The following PRIM2 variants were observed in gnomAD, a reference collection of about 807,000 sequenced individuals.
The protein encoded by PRIM2 is DNA primase large subunit.
In PRIM2, 39 loss-of-function variants were observed where a neutral mutation model predicts 67.3. That is an observed-to-expected ratio of 0.58 (90% CI 0.45 to 0.76). The LOEUF is 0.76. PRIM2 is among the 30% of genes least tolerant of loss of function. The pLI is 0.00. For missense variants in PRIM2, 398 were observed against 598.7 expected (o/e 0.66, Z 3.50); for synonymous variants, 143 against 198.7 (o/e 0.72, Z 2.36).
the PRIM2 span, among the ~76,000 whole-genome samples, chr6:57,227,737 A>G: frequency 6.6e-6 from 1 of 152,112 alleles, no homozygotes; most frequent in African/African-American, 2.4e-5. Flanking sequence ...ATTTGTACAT[A>G]TAAATAAAGT....
intron 7 of PRIM2, among the ~76,000 whole-genome samples, chr6:57,472,859 T>C: frequency 6.6e-6 from 1 of 152,314 alleles, no homozygotes; most frequent in South Asian, 2.1e-4. Flanking sequence ...AGCAATTGTA[T>C]TGTAAGTATG....
chr6:57,335,075 T>C (rs1465383611), intron 5 of PRIM2, among the ~76,000 whole-genome samples: 1 of 152,212 alleles, frequency 6.6e-6, no homozygotes, highest in Non-Finnish European at 1.5e-5. Context: ...GGGAGTTCCC[T>C]TTCCTAGTCA....
At chr6:57,327,959 C>T (rs1330006389) in intron 5 of PRIM2, among the ~76,000 whole-genome samples, 1 of 152,124 alleles carries the variant, frequency 6.6e-6, no homozygotes, top group Non-Finnish European at 1.5e-5. Flanking sequence ...GAGTGCACAT[C>T]TTAGATCTCT....
upstream of PRIM2, among the ~76,000 whole-genome samples, chr6:57,309,871 G>T (rs1469881897): frequency 2.0e-5 from 3 of 152,188 alleles, no homozygotes; most frequent in Non-Finnish European, 4.4e-5. Context: ...ACTGGTGTGA[G>T]ATGGTATCTC....
the PRIM2 span, among the ~76,000 whole-genome samples, chr6:57,301,001 G>T: frequency 2.0e-5 from 3 of 152,148 alleles, no homozygotes; most frequent in Non-Finnish European, 4.4e-5. Flanking sequence ...TTGCTTAAAG[G>T]TCTTTGTTGT....
chr6:57,228,704 AT>A, the PRIM2 span, among the ~76,000 whole-genome samples: 2 of 152,220 alleles, frequency 1.3e-5, no homozygotes, highest in Non-Finnish European at 2.9e-5. Context: ...CGGAGCCAGA[AT>A]CCCTATATTT....
At chr6:57,376,005 A>G (rs4321825) in intron 5 of PRIM2, among the ~76,000 whole-genome samples, 2 of 152,068 alleles carry the variant, frequency 1.3e-5, no homozygotes, top group African/African-American at 4.8e-5. Flanking sequence ...CCAGGAGTTC[A>G]AGACCAGCCT....
the PRIM2 span, among the ~76,000 whole-genome samples, chr6:57,232,556 A>T: frequency 6.6e-6 from 1 of 152,220 alleles, no homozygotes; most frequent in Non-Finnish European, 1.5e-5. Context: ...CAAAAAAAAT[A>T]AAAATAAAAT....
At chr6:57,470,670 T>C (rs1287610489) in intron 7 of PRIM2, among the ~76,000 whole-genome samples, 2 of 151,888 alleles carry the variant, frequency 1.3e-5, no homozygotes, top group Admixed American at 1.3e-4. Flanking sequence ...AATAATTGTA[T>C]GTAGCCTTTT....
upstream of PRIM2, among the ~76,000 whole-genome samples, chr6:57,311,199 C>CTGGACGGGGCGGCCGGG (rs1767377859): frequency 2.7e-5 from 4 of 145,748 alleles, no homozygotes; most frequent in Non-Finnish European, 6.1e-5. Context: ...CCCTCACCTC[C>CTGGACGGGGCGGCCGGG]CAGACGGGGC....
intron 5 of PRIM2, among the ~76,000 whole-genome samples, chr6:57,337,096 A>G (rs1022658097): frequency 3.9e-5 from 6 of 152,340 alleles, no homozygotes; most frequent in South Asian, 2.1e-4. Context: ...ACCAACAAAG[A>G]TCAAAAGAGA....
At chr6:57,507,027 G>C (rs1774264375) in intron 7 of PRIM2, among the ~76,000 whole-genome samples, 4 of 152,200 alleles carry the variant, frequency 2.6e-5, no homozygotes, top group African/African-American at 9.6e-5. Flanking sequence ...TACAAGATTG[G>C]TTATTATACA....
chr6:57,489,512 G>A (rs1391917509), intron 7 of PRIM2, among the ~76,000 whole-genome samples: 42 of 141,690 alleles, frequency 3.0e-4, no homozygotes, highest in Non-Finnish European at 5.5e-4. Context: ...AGCCGAGATC[G>A]TTCCACTGCA....
At chr6:57,641,705 T>C (rs1777238697) in intron 13 of PRIM2, among the ~76,000 whole-genome samples, 1 of 152,128 alleles carries the variant, frequency 6.6e-6, no homozygotes, top group African/African-American at 2.4e-5. Flanking sequence ...CCAGTTAGAA[T>C]GGGGGTCATT....
chr6:57,514,618 A>C (rs1393158577), intron 8 of PRIM2, among the ~76,000 whole-genome samples: 1 of 152,108 alleles, frequency 6.6e-6, no homozygotes, highest in South Asian at 2.1e-4. Flanking sequence ...AATAAATTAG[A>C]ATATATTGTT....
intron 7 of PRIM2, among the ~76,000 whole-genome samples, chr6:57,484,545 C>T (rs1773710548): frequency 6.6e-6 from 1 of 152,130 alleles, no homozygotes; most frequent in South Asian, 2.1e-4. Context: ...TGTGTGTCTG[C>T]CTAATTTCAT....
chr6:57,326,059 T>G lies in PRIM2; in HGVS notation c.459+14T>G, dbSNP rs1305452059. 6.2e-7 allele frequency: 1 copy of G among 1,608,668 alleles called. No individual in the cohort carries two copies. Among genetic ancestry groups the G allele is most frequent in the Non-Finnish European group, 8.5e-7 (1 of 1,178,050 alleles). ...CAGTTTGAGGCTGTAAGTATATTTT[T>G]GTAGTTATTTCTAATTGTTCTCACC... On this transcript the variant is annotated intron_variant, in intron 5 of 13. Coordinates refer to ENST00000615550, the MANE Select transcript of PRIM2 (RefSeq NM_000947.5).
intron 5 of PRIM2, among the ~76,000 whole-genome samples, chr6:57,355,544 T>C (rs1022397537): frequency 1.3e-5 from 2 of 152,194 alleles, no homozygotes; most frequent in African/African-American, 4.8e-5. Flanking sequence ...CCCTGGCTTG[T>C]CTTTTTCTTA....
intron 7 of PRIM2, among the ~76,000 whole-genome samples, chr6:57,492,551 A>ATAAAT (rs1272356867): frequency 2.0e-5 from 3 of 151,218 alleles, no homozygotes; most frequent in African/African-American, 7.3e-5. Flanking sequence ...CTAAAAAAAA[A>ATAAAT]AAATAAATAA....
Sources: allele counts gnomAD v4.1 joint callset (sites outside exome capture counted in the v4.1 genomes callset), GRCh38; gene constraint gnomAD v4.1.1; transcripts MANE v1.5; gene names NCBI Gene and HGNC (gene_info 2026-07-23, HGNC 2026-07-21).